Variants in LIMCH1 observed in about 807,000 individuals in gnomAD.
LIMCH1 encodes the protein LIM and calponin homology domains 1, also known as LIM and calponin homology domains-containing protein 1.
LIMCH1 carries 113 observed loss-of-function variants against 176.5 expected under a neutral mutation model. The observed-to-expected ratio is 0.64, with a 90% CI of 0.55 to 0.75. The LOEUF (loss-of-function observed/expected upper bound fraction) is 0.75. LIMCH1 is among the 30% of genes least tolerant of loss of function. LIMCH1 has a pLI of 0.00. For missense variants in LIMCH1, 1,674 were observed against 1,814.9 expected, an observed-to-expected ratio of 0.92 and a Z score of 1.41; for synonymous variants, 619 against 645.9, an observed-to-expected ratio of 0.96 and a Z score of 0.63.
rs1380074976 is a variant in LIMCH1, at chr4:41,626,956, G to T, written c.974G>T (p.Gly325Val). The change falls in exon 8 of 32, where the codon GGC becomes GTC. Residue 325 changes from glycine (G) to valine (V), a missense_variant. Transcript: ENST00000503057. ...YPKKGAEKSD[G>V]SKQLSKGISK... ...AAGAAAGGGGCAGAGAAATCAGATG[G>T]CAGCAAACAGCTCTCAAAGGGAATC... 2 of 1,535,754 alleles carry T rather than the reference G, an allele frequency of 1.3e-6. No homozygotes were observed. Among genetic ancestry groups the T allele is most frequent in the Admixed American group, 3.9e-5 (2 of 50,926 alleles).
At chr4:41,423,586 T>C (rs1259862150) in intron 1 of LIMCH1, among the ~76,000 whole-genome samples, 1 of 152,108 alleles carries the variant, frequency 6.6e-6, no homozygotes, top group Non-Finnish European at 1.5e-5. Flanking sequence ...GTGGGCTTGT[T>C]TTGATACAAG....
rs527630854 is a variant in LIMCH1 at position 41,613,563 on chromosome 4, G to A, written c.107G>A (p.Arg36His). ...SERSDSLSPP[R>H]HGRDDSFDSL... ...CGCAGCGACTCCCTCTCTCCTCCTC[G>A]CCACGGCAGAGATGATTCCTTCGAC... Residue 36 changes from arginine to histidine, a missense_variant, in exon 5 of 32, where the codon CGC becomes CAC. Physicochemically the swap from Arg to His is conservative, Grantham distance 29. Around this residue, in one of 3 missense-constraint regions of LIMCH1, gnomAD observed 655 missense variants for 692.2 expected, o/e 0.95. Coordinates refer to ENST00000503057, the MANE Select transcript of LIMCH1 (RefSeq NM_001330672.2). 10 of 1,614,026 alleles carry A rather than the reference G, an allele frequency of 6.2e-6. No individual in the cohort carries two copies. The highest frequency in any genetic ancestry group is 7.6e-6 in the Non-Finnish European group (9 of 1,180,014).
At chr4:41,407,992 A>G (rs1489957474) in intron 1 of LIMCH1, among the ~76,000 whole-genome samples, 1 of 152,100 alleles carries the variant, frequency 6.6e-6, no homozygotes, top group Non-Finnish European at 1.5e-5. Context: ...AAAGTTATTG[A>G]CCTTTTGCCA....
intron 1 of LIMCH1, among the ~76,000 whole-genome samples, chr4:41,448,724 C>T (rs181270298): frequency 6.6e-6 from 1 of 152,118 alleles, no homozygotes; most frequent in Admixed American, 6.5e-5. Context: ...CTTTAGTTAT[C>T]ATTTCCCAAC....
chr4:41,518,024 A>G (rs767781762), intron 2 of LIMCH1, among the ~76,000 whole-genome samples: 4 of 152,168 alleles, frequency 2.6e-5, no homozygotes, highest in Non-Finnish European at 4.4e-5. Context: ...GTGATTTCCT[A>G]TGAGATTAAG....
intron 28 of LIMCH1, 129 bp downstream of exon 28, chr4:41,685,959 C>A: frequency 1.0e-6 from 1 of 956,578 alleles, no homozygotes; most frequent in Non-Finnish European, 1.5e-6. Flanking sequence ...TCCATTAAAT[C>A]TCATTGACAA....
chr4:41,556,952 A>G (rs1462025638), intron 1 of LIMCH1, among the ~76,000 whole-genome samples: 1 of 152,208 alleles, frequency 6.6e-6, no homozygotes, highest in Non-Finnish European at 1.5e-5. Context: ...GCATCCAGCT[A>G]GGTTAATAGA....
chr4:41,453,307 A>T (rs1157306149), intron 1 of LIMCH1, among the ~76,000 whole-genome samples: 2 of 152,214 alleles, frequency 1.3e-5, no homozygotes, highest in Non-Finnish European at 2.9e-5. Flanking sequence ...CCTAGTCAAA[A>T]ATCTGTGTAT....
chr4:41,520,997 T>C (rs2076065899), intron 2 of LIMCH1, among the ~76,000 whole-genome samples: 1 of 152,182 alleles, frequency 6.6e-6, no homozygotes, highest in Admixed American at 6.5e-5. Flanking sequence ...TTCCTCTGGA[T>C]GAGGTTGCAG....
chr4:41,549,433 C>G (rs2152507850), intron 1 of LIMCH1, among the ~76,000 whole-genome samples: 1 of 152,302 alleles, frequency 6.6e-6, no homozygotes, highest in South Asian at 2.1e-4. Flanking sequence ...GAGCCAGAAG[C>G]TGAACCCAGG....
chr4:41,596,410 T>C (rs2088826070), intron 1 of LIMCH1, among the ~76,000 whole-genome samples: 1 of 152,042 alleles, frequency 6.6e-6, no homozygotes, highest in Admixed American at 6.5e-5. Context: ...ATGGTTTGCA[T>C]AGCTAAAATC....
At chr4:41,381,817 C>T (rs767698512) in intron 1 of LIMCH1, among the ~76,000 whole-genome samples, 2 of 152,182 alleles carry the variant, frequency 1.3e-5, no homozygotes, top group Non-Finnish European at 2.9e-5. Flanking sequence ...AGCCAGCCAG[C>T]ACCTACAGTG....
intron 1 of LIMCH1, among the ~76,000 whole-genome samples, chr4:41,458,411 G>A (rs1368237840): frequency 1.3e-5 from 2 of 152,152 alleles, no homozygotes; most frequent in Non-Finnish European, 2.9e-5. Flanking sequence ...CATATGTGCA[G>A]GAAACAGCAC....
chr4:41,668,091 G>A (rs954985430), intron 21 of LIMCH1, among the ~76,000 whole-genome samples: 2 of 151,990 alleles, frequency 1.3e-5, no homozygotes, highest in African/African-American at 2.4e-5. Context: ...AGTGTGTTTT[G>A]TAGATTTAGC....
At chr4:41,381,509 TGTAC>T (rs1407545518) in intron 1 of LIMCH1, among the ~76,000 whole-genome samples, 19 of 152,114 alleles carry the variant, frequency 1.2e-4, no homozygotes, top group African/African-American at 4.3e-4. Flanking sequence ...TCCTGTCCTG[TGTAC>T]ATACCCCTTG....
intron 1 of LIMCH1, among the ~76,000 whole-genome samples, chr4:41,569,280 C>T (rs766319364): frequency 6.6e-6 from 1 of 152,112 alleles, no homozygotes; most frequent in Non-Finnish European, 1.5e-5. Flanking sequence ...TTAGCCTGAA[C>T]GAAGCCAGAC....
intron 13 of LIMCH1, among the ~76,000 whole-genome samples, chr4:41,638,102 T>TTTGTTGTTGTTG (rs146967384): frequency 5.7e-5 from 5 of 87,046 alleles, no homozygotes; most frequent in African/African-American, 2.0e-4. Flanking sequence ...GCTGTGTTGT[T>TTTGTTGTTGTTG]TTGTTGTTGT....
rs1732140479 is a variant in LIMCH1, at chr4:41,699,172, A to G, written c.*1987A>G. ...AAACATGTACAATATGGTCATTCAT[A>G]ACCGATTTTTATAGAATACTTTTTA... On this transcript the variant is annotated 3_prime_UTR_variant, in exon 32 of 32. Transcript: ENST00000503057. 1 of 152,154 alleles carries G rather than the reference A, an allele frequency of 6.6e-6. No individual in the cohort carries two copies. The highest frequency in any genetic ancestry group is 1.5e-5 in the Non-Finnish European group (1 of 68,026). 9.4% of individuals were successfully genotyped at this position (152,154 alleles called of 1,614,324 possible).
chr4:41,614,378 A>G (rs2091826869), intron 5 of LIMCH1, among the ~76,000 whole-genome samples: 1 of 152,212 alleles, frequency 6.6e-6, no homozygotes, highest in Non-Finnish European at 1.5e-5. Context: ...TGTCTTACTT[A>G]TCTTGTACCT....
Sources: allele counts gnomAD v4.1 joint callset (sites outside exome capture counted in the v4.1 genomes callset), GRCh38; gene constraint gnomAD v4.1.1; regional missense constraint gnomAD v4.1.1; transcripts MANE v1.5; gene names NCBI Gene and HGNC (gene_info 2026-07-23, HGNC 2026-07-21).